The following CLDN10 variants were observed in gnomAD, a reference collection of about 807,000 sequenced individuals.
CLDN10 encodes the protein claudin 10, also known as claudin-10.
CLDN10 carries 15 observed loss-of-function variants against 22.9 expected under a neutral mutation model. The observed-to-expected ratio is 0.65, with a 90% CI of 0.44 to 1.01. CLDN10 has a LOEUF of 1.01. Ranked by LOEUF, CLDN10 falls within the 50% of genes least tolerant of loss-of-function variation. The probability of loss-of-function intolerance (pLI) is 0.00; values close to 1 mark genes in which losing one functional copy is unlikely to be tolerated. For synonymous variants in CLDN10, 114 were observed against 111.4 expected, an observed-to-expected ratio of 1.02 and a Z score of -0.15; for missense variants, 247 against 287.8, an observed-to-expected ratio of 0.86 and a Z score of 1.03.
Position 95,439,251 on chromosome 13 carries a change from A to G in CLDN10, c.214+5204A>G, listed in dbSNP as rs541944063. On this transcript the variant is annotated intron_variant, in intron 1 of 4. Transcript: ENST00000376873. ...CCTAAATCGAGACACTGGCAGATTC[A>G]GTGCGTGGTGAGGGCCCATAGACGG... Among the ~76,000 whole-genome samples the G allele has an allele frequency of 3.2e-4, 49 of 152,234 alleles. No homozygotes were observed. In the South Asian group the frequency reaches 7.1e-3, roughly 22 times the overall value.
At chr13:95,479,116 C>T (rs1051553186) in intron 1 of CLDN10, among the ~76,000 whole-genome samples, 14 of 152,078 alleles carry the variant, frequency 9.2e-5, no homozygotes, top group African/African-American at 2.4e-4. Flanking sequence ...TTTGGGAGGC[C>T]GAGGCAGGCA....
At chr13:95,510,124 CTG>C (rs759936652) in intron 1 of CLDN10, among the ~76,000 whole-genome samples, 1 of 152,230 alleles carries the variant, frequency 6.6e-6, no homozygotes, top group African/African-American at 2.4e-5. Context: ...GCTTCTGAGA[CTG>C]AGATGAGTCA....
At chr13:95,560,745 C>A in intron 3 of CLDN10, 1 of 328,390 alleles carries the variant, frequency 3.0e-6, no homozygotes, top group South Asian at 4.1e-5. Flanking sequence ...AAACTGAGGT[C>A]AAGTAGAGGA....
intron 3 of CLDN10, among the ~76,000 whole-genome samples, chr13:95,563,095 A>ACTCTCTCTCTCT (rs34473629): frequency 0.013 from 1,709 of 128,074 alleles, 20 homozygotes; most frequent in Non-Finnish European, 0.02. Flanking sequence ...CTGCCTACCC[A>ACTCTCTCTCTCT]CTCTCTCTCT....
chr13:95,499,268 G>A (rs950931031), intron 1 of CLDN10, among the ~76,000 whole-genome samples: 2 of 152,146 alleles, frequency 1.3e-5, no homozygotes, highest in Admixed American at 6.5e-5. Flanking sequence ...CTGGCCAGGC[G>A]CAGTGGCTTA....
rs565592947 is a variant in CLDN10, at chr13:95,533,543, C to T, written c.215-26589C>T. Among the ~76,000 whole-genome samples the T allele has an allele frequency of 7.9e-5, 12 of 152,204 alleles. No individual in the cohort carries two copies. The South Asian group carries it at 2.1e-3, about 26-fold the overall frequency. ...GTTCAATCCATTAAAAAATAAATCACGCTGGTATCTTGAGTCTCTTCTAGT... is the reference window on the plus strand; with the variant it reads ...GTTCAATCCATTAAAAAATAAATCATGCTGGTATCTTGAGTCTCTTCTAGT... On this transcript the variant is annotated intron_variant, in intron 1 of 4. Transcript: ENST00000376873.
chr13:95,560,065 A>G (rs1566337603), intron 1 of CLDN10, 67 bp from the exon 2 acceptor site: 1 of 1,421,508 alleles, frequency 7.0e-7, no homozygotes, highest in Non-Finnish European at 9.7e-7. Flanking sequence ...ATGACAACGT[A>G]AAATGAGGAT....
chr13:95,550,699 G>A (rs898319164), upstream of CLDN10, among the ~76,000 whole-genome samples: 1 of 151,766 alleles, frequency 6.6e-6, no homozygotes, highest in Non-Finnish European at 1.5e-5. Flanking sequence ...CAAAAAAACA[G>A]ATGATAAAAC....
intron 3 of CLDN10, among the ~76,000 whole-genome samples, chr13:95,566,560 A>G (rs986470470): frequency 6.6e-6 from 1 of 152,140 alleles, no homozygotes; most frequent in Admixed American, 6.6e-5. Context: ...ATTTTCTCCC[A>G]TTCTGTAGGT....
chr13:95,569,177 G>T (rs1196241819), intron 3 of CLDN10, among the ~76,000 whole-genome samples: 1 of 151,796 alleles, frequency 6.6e-6, no homozygotes, highest in African/African-American at 2.4e-5. Flanking sequence ...ATCTATTAAG[G>T]TTAGCCACAG....
At chr13:95,447,425 T>C (rs559685678) in intron 1 of CLDN10, among the ~76,000 whole-genome samples, 2 of 152,298 alleles carry the variant, frequency 1.3e-5, no homozygotes, top group East Asian at 3.9e-4. Flanking sequence ...CACTCTCCTG[T>C]TTAAACCTGG....
At chr13:95,434,024 A>G (rs1177006382) in exon 1 of CLDN10, 4 of 1,614,120 alleles carry the variant, frequency 2.5e-6, no homozygotes, top group Non-Finnish European at 3.4e-6. Context: ...TGCCGACCGC[A>G]TTTTACTATC....
rs1194311936 is a variant in CLDN10, at chr13:95,495,617, G to A, written c.214+61570G>A. 6.6e-5 allele frequency among the ~76,000 whole-genome samples: 10 copies of A among 151,418 alleles called. No individual in the cohort carries two copies. The South Asian group carries it at 8.3e-4, about 13-fold the overall frequency. Reference sequence around the variant, plus strand: ...AATTTAGCCGGGCATAGTGGCGCGCGCCTGTAATCCCAGCTACTTGGGAGG... The same window carrying A: ...AATTTAGCCGGGCATAGTGGCGCGCACCTGTAATCCCAGCTACTTGGGAGG... On this transcript the variant is annotated intron_variant, in intron 1 of 4. Transcript: ENST00000376873.
chr13:95,458,603 G>A (rs368549848), intron 1 of CLDN10, among the ~76,000 whole-genome samples: 29 of 152,202 alleles, frequency 1.9e-4, no homozygotes, highest in East Asian at 7.7e-4. Flanking sequence ...ATTACCAGAA[G>A]AGCATGGGGG....
At chr13:95,572,344 T>C (rs1476363239) in intron 3 of CLDN10, among the ~76,000 whole-genome samples, 2 of 152,174 alleles carry the variant, frequency 1.3e-5, no homozygotes, top group African/African-American at 2.4e-5. Flanking sequence ...GGCATGACAA[T>C]TAAGAGCTTC....
At chr13:95,528,762 G>A (rs1346325870) in intron 1 of CLDN10, among the ~76,000 whole-genome samples, 1 of 152,220 alleles carries the variant, frequency 6.6e-6, no homozygotes, top group African/African-American at 2.4e-5. Context: ...CCACGGCAAA[G>A]CCACTGAAGG....
At chr13:95,553,179 C>A (rs1170553210) in intron 1 of CLDN10, among the ~76,000 whole-genome samples, 1 of 152,178 alleles carries the variant, frequency 6.6e-6, no homozygotes, top group African/African-American at 2.4e-5. Flanking sequence ...GGCGCCTGTT[C>A]GAGCCTGGGA....
At position 95,552,840 on chromosome 13, in the gene CLDN10, C is replaced by T. The variant is rs2043583461; in HGVS notation, c.87C>T (p.Tyr29=). The change falls in exon 1 of 5, where the codon TAC becomes TAT. Residue 29 remains tyrosine, a synonymous_variant. Transcript: ENST00000299339. ...TGTCCTCCACGCTGCCCACCGACTA[C>T]TGGAAGGTGTCTACCATCGACGGCA... ...VLVSSTLPTD[Y]WKVSTIDGTV... is the part of the protein sequence containing the mutation. 6.2e-7 allele frequency: 1 copy of T among 1,614,148 alleles called. No homozygotes were observed. The highest frequency in any genetic ancestry group is 8.5e-7 in the Non-Finnish European group (1 of 1,180,000).
intron 1 of CLDN10, among the ~76,000 whole-genome samples, chr13:95,444,416 C>G (rs2042352765): frequency 6.6e-6 from 1 of 152,206 alleles, no homozygotes. Context: ...TTTGGCAAAT[C>G]ATTCAGCAGA....
Sources: gnomAD v4.1 joint callset for allele counts (sites outside exome capture counted in the v4.1 genomes callset) on GRCh38, gnomAD v4.1.1 for gene constraint, MANE v1.5 for transcripts, NCBI Gene and HGNC (gene_info 2026-07-23, HGNC 2026-07-21) for gene names.